Variants in PLXNA2 observed in about 807,000 individuals in gnomAD.
The protein encoded by PLXNA2 is plexin-A2.
Under a neutral mutation model 193.5 loss-of-function variants are expected in PLXNA2, and 91 were observed. The ratio of observed to expected loss-of-function variants is 0.47; its 90% CI spans 0.40 to 0.56. The LOEUF (loss-of-function observed/expected upper bound fraction) is 0.56, where lower values mean the gene tolerates loss of function less well. Among genes scored for constraint, PLXNA2 ranks in the 20% least tolerant of loss-of-function variants. The pLI, the probability that PLXNA2 is intolerant of heterozygous loss-of-function variation, is 0.00. For synonymous variants in PLXNA2, 997 were observed against 1,027.3 expected (o/e 0.97, Z 0.56); for missense variants, 1,995 against 2,503.2 (o/e 0.80, Z 4.33).
chr1:208,096,149 T>G (rs112938251), intron 7 of PLXNA2, 24 bp from the exon 8 acceptor site: 1 of 1,589,220 alleles, frequency 6.3e-7, no homozygotes, highest in Admixed American at 1.7e-5. Context: ...CAAAAAAGGA[T>G]GGGGTTGGGT....
rs1449001677 is a variant in PLXNA2, at chr1:208,044,170, G to T, written c.3874+338C>A. On this transcript the variant is annotated intron_variant, in intron 20 of 31. Coordinates refer to ENST00000367033, the MANE Select transcript of PLXNA2 (RefSeq NM_025179.4). This position sits in a 1 kb window ranked among gnomAD's most constrained non-coding sequence, Gnocchi z 4.9. Reference sequence around the variant, plus strand: ...AACAAGAGCTGGACACTCCCATGGGGGATCTAGAGTCTGGGGCTGTGGAGC... The same window carrying T: ...AACAAGAGCTGGACACTCCCATGGGTGATCTAGAGTCTGGGGCTGTGGAGC... Among the ~76,000 whole-genome samples, 1 of 152,238 alleles carries T rather than the reference G, an allele frequency of 6.6e-6. No individual in the cohort carries two copies. The highest frequency in any genetic ancestry group is 1.5e-5 in the Non-Finnish European group (1 of 68,042).
At chr1:208,228,571 T>C (rs1333806945) in intron 1 of PLXNA2, among the ~76,000 whole-genome samples, 1 of 152,204 alleles carries the variant, frequency 6.6e-6, no homozygotes, top group African/African-American at 2.4e-5. Context: ...GCCAGGCACA[T>C]GGCTGAAGTG....
chr1:208,028,868 A>G lies in PLXNA2; in HGVS notation c.5400T>C (p.Tyr1800=), dbSNP rs776374949. The G allele has an allele frequency of 1.2e-6, 2 of 1,614,172 alleles. No homozygotes were observed. The highest frequency in any genetic ancestry group is 2.2e-5 in the South Asian group (2 of 91,072). The change falls in exon 30 of 32, where the codon TAT becomes TAC. Residue 1800 remains tyrosine (Y), a synonymous_variant. Transcript: ENST00000367033. The surrounding 1 kb of genome is among the most constrained non-coding windows in gnomAD (Gnocchi z 4.2). Reference sequence around the variant, plus strand: ...TCTTGTAGCTGGGGATGTCCTTGGCATAGAGCAGCTTGTTGGAGGGGGAGT... The same window carrying G: ...TCTTGTAGCTGGGGATGTCCTTGGCGTAGAGCAGCTTGTTGGAGGGGGAGT... ...GKDSPSNKLL[Y]AKDIPSYKSW...
chr1:208,081,884 AG>A (rs1382951491), intron 11 of PLXNA2, among the ~76,000 whole-genome samples: 1 of 152,092 alleles, frequency 6.6e-6, no homozygotes. Flanking sequence ...ACGATGAATA[AG>A]GGTCACCCTC....
chr1:208,223,656 T>C (rs918152222), intron 1 of PLXNA2, among the ~76,000 whole-genome samples: 4 of 152,230 alleles, frequency 2.6e-5, no homozygotes, highest in Non-Finnish European at 5.9e-5. Flanking sequence ...CTCAGGACCG[T>C]CACCTATGCT....
Position 208,236,579 on chromosome 1 carries a change from T to G in PLXNA2, c.-81+7064A>C, listed in dbSNP as rs1671860786. On this transcript the variant is annotated intron_variant, in intron 1 of 31. Transcript: ENST00000367033. This position sits in a 1 kb window ranked among gnomAD's most constrained non-coding sequence, Gnocchi z 4.4. ...GCTCAAAGGTAAAAAGACCTGCCCATAGTCACAGAGCAATCACAATCCATA... is the reference window on the plus strand; with the variant it reads ...GCTCAAAGGTAAAAAGACCTGCCCAGAGTCACAGAGCAATCACAATCCATA... Among the ~76,000 whole-genome samples the G allele has an allele frequency of 6.6e-6, 1 of 152,194 alleles. No individual in the cohort carries two copies. Among genetic ancestry groups the G allele is most frequent in the Admixed American group, 6.5e-5 (1 of 15,282 alleles).
At chr1:208,174,012 C>T (rs770403787) in intron 3 of PLXNA2, among the ~76,000 whole-genome samples, 4 of 152,210 alleles carry the variant, frequency 2.6e-5, no homozygotes, top group Non-Finnish European at 5.9e-5. Context: ...ATTAGGAGCC[C>T]GCTGAGATAG....
chr1:208,104,384 A>T (rs1460834728), intron 4 of PLXNA2, among the ~76,000 whole-genome samples: 1 of 152,236 alleles, frequency 6.6e-6, no homozygotes, highest in Non-Finnish European at 1.5e-5. Context: ...GACAGCGAAC[A>T]GCACACAGAT....
At chr1:208,055,488 G>T (rs1665401525) in intron 13 of PLXNA2, among the ~76,000 whole-genome samples, 1 of 152,104 alleles carries the variant, frequency 6.6e-6, no homozygotes, top group African/African-American at 2.4e-5. Context: ...GTGGGAGAGG[G>T]CCCTGACAGC....
At position 208,038,611 on chromosome 1, in the gene PLXNA2, T is replaced by C. The variant is rs1452355608; in HGVS notation, c.4661-137A>G. The C allele has an allele frequency of 3.7e-6, 3 of 804,744 alleles. No individual in the cohort carries two copies. The highest frequency in any genetic ancestry group is 6.2e-6 in the Non-Finnish European group (3 of 486,482). The allele number at this position is 804,744 out of a possible 1,614,324, so 49.9% of individuals were successfully genotyped here. A position where few individuals can be genotyped will look rare whatever the true frequency, so the allele number is the denominator to read the frequency against. ...GTACCAATAACAGAGGCTAGAGACA[T>C]CTAGGGCTCCATGGGCCCAGGCAGC... On this transcript the variant is annotated intron_variant, in intron 25 of 31. Coordinates refer to ENST00000367033, the MANE Select transcript of PLXNA2 (RefSeq NM_025179.4). This position sits in a 1 kb window ranked among gnomAD's most constrained non-coding sequence, Gnocchi z 4.1.
intron 9 of PLXNA2, among the ~76,000 whole-genome samples, chr1:208,086,910 A>T (rs770140350): frequency 2.0e-5 from 3 of 151,400 alleles, no homozygotes; most frequent in Non-Finnish European, 2.9e-5. Flanking sequence ...TTAGAATTTA[A>T]GTTAGAAATA....
intron 3 of PLXNA2, among the ~76,000 whole-genome samples, chr1:208,173,346 G>A (rs1483019455): frequency 2.0e-5 from 3 of 152,178 alleles, no homozygotes; most frequent in Non-Finnish European, 2.9e-5. Context: ...CTATTTCCCT[G>A]CACTATGAGC....
chr1:208,044,853 G>A lies in PLXNA2; in HGVS notation c.3640-111C>T, dbSNP rs1665003159. On this transcript the variant is annotated intron_variant, in intron 19 of 31. Transcript: ENST00000367033. This position sits in a 1 kb window ranked among gnomAD's most constrained non-coding sequence, Gnocchi z 4.9. ...GGACATGACAGACCACAACCACACAGTGCAGCTCTAGATAAAAAGCAATTT... is the reference window on the plus strand; with the variant it reads ...GGACATGACAGACCACAACCACACAATGCAGCTCTAGATAAAAAGCAATTT... 3.0e-6 allele frequency: 3 copies of A among 1,002,846 alleles called. No homozygotes were observed. The highest frequency in any genetic ancestry group is 2.2e-5 in the Admixed American group (1 of 44,788). The allele number at this position is 1,002,846 out of a possible 1,614,324, so 62.1% of individuals were successfully genotyped here.
Position 208,028,156 on chromosome 1 carries a change from G to T in PLXNA2, c.5442C>A (p.Tyr1814Ter). 6.2e-7 allele frequency: 1 copy of T among 1,610,252 alleles called. No homozygotes were observed. Among genetic ancestry groups the T allele is most frequent in the Non-Finnish European group, 8.5e-7 (1 of 1,178,162 alleles). ...CTGGGAGCTTGGCGATGTCTGCGTA[G>T]TATCTGCCAGAGACAGGATAGGCGC... Reference protein sequence around the residue: ...IPSYKSWVERYYADIAKLPAI... With the variant: ...IPSYKSWVER Residue 1814 changes from tyrosine to a stop codon, truncating the protein, a stop_gained, in exon 31 of 32, where the codon TAC becomes TAA. Transcript: ENST00000367033. LOFTEE classifies it high-confidence loss of function. This position sits in a 1 kb window ranked among gnomAD's most constrained non-coding sequence, Gnocchi z 4.2.
At chr1:208,159,484 C>G (rs1669040426) in intron 3 of PLXNA2, among the ~76,000 whole-genome samples, 1 of 152,150 alleles carries the variant, frequency 6.6e-6, no homozygotes, top group Non-Finnish European at 1.5e-5. Flanking sequence ...TTGCACAATC[C>G]CACGTCCTCC....
At chr1:208,061,983 G>C (rs1431087931) in intron 12 of PLXNA2, among the ~76,000 whole-genome samples, 3 of 152,124 alleles carry the variant, frequency 2.0e-5, no homozygotes, top group Non-Finnish European at 2.9e-5. Flanking sequence ...TATATCCAAA[G>C]CTTTGAACAA....
At chr1:208,080,929 G>T (rs574380818) in intron 11 of PLXNA2, among the ~76,000 whole-genome samples, 3 of 152,222 alleles carry the variant, frequency 2.0e-5, no homozygotes, top group Non-Finnish European at 2.9e-5. Flanking sequence ...TCTAGAACCT[G>T]AGTCTTTAAA....
chr1:208,138,567 G>A (rs910853922), intron 4 of PLXNA2, among the ~76,000 whole-genome samples: 6 of 152,234 alleles, frequency 3.9e-5, no homozygotes, highest in Non-Finnish European at 2.9e-5. Flanking sequence ...ATGAGCACAT[G>A]TGGCCTCATA....
At position 208,042,264 on chromosome 1, in the gene PLXNA2, G is replaced by GAAA; in HGVS notation, c.4119_4120insTTT (p.Glu1373_Leu1374insPhe). On this transcript the variant is annotated inframe_insertion, in exon 22 of 32. Coordinates refer to ENST00000367033, the MANE Select transcript of PLXNA2 (RefSeq NM_025179.4). ...TCGCGCATGGAGAAACTGCGCTGCA[G>GAAA]CTCCAGGGTGCGGATGAAGGTCAGC... 1.2e-6 allele frequency: 2 copies of GAAA among 1,614,248 alleles called. No homozygotes were observed. The highest frequency in any genetic ancestry group is 1.7e-6 in the Non-Finnish European group (2 of 1,180,042).
Sources: gnomAD v4.1 joint callset for allele counts (sites outside exome capture counted in the v4.1 genomes callset) on GRCh38, gnomAD v4.1.1 for gene constraint, Gnocchi (gnomAD v3.1) non-coding constraint, MANE v1.5 for transcripts, NCBI Gene and HGNC (gene_info 2026-07-23, HGNC 2026-07-21) for gene names.